DBNL: variants seen among roughly 807,000 people sequenced by gnomAD.
DBNL encodes drebrin like, also known as drebrin-like protein.
DBNL carries 35 observed loss-of-function variants against 62.2 expected under a neutral mutation model. The observed-to-expected ratio is 0.56, with a 90% CI of 0.43 to 0.75. DBNL has a LOEUF of 0.75. DBNL is among the 30% of genes least tolerant of loss of function. The pLI, the probability that DBNL is intolerant of heterozygous loss-of-function variation, is 0.00. For missense variants in DBNL, 495 were observed against 578.4 expected (o/e 0.86, Z 1.48); for synonymous variants, 197 against 218.0 (o/e 0.90, Z 0.85).
Position 44,059,251 on chromosome 7 carries a change from C to T in DBNL, c.836-103C>T. The stretch of plus-strand genomic sequence containing the variant: ...TGTTCCTGCACTAGCAAGAGCAAGC[C>T]CCATGAGACTGCCTCGAGCACACCA... On this transcript the variant is annotated intron_variant, in intron 9 of 12. Transcript: ENST00000448521. The surrounding 1 kb of genome is among the most constrained non-coding windows in gnomAD (Gnocchi z 4.1). The T allele has an allele frequency of 8.2e-7, 1 of 1,212,260 alleles. No individual in the cohort carries two copies. Among genetic ancestry groups the T allele is most frequent in the Non-Finnish European group, 1.2e-6 (1 of 854,348 alleles). The allele number at this position is 1,212,260 out of a possible 1,614,324, so 75.1% of individuals were successfully genotyped here.
rs1049701150 is a variant in DBNL at position 44,062,377 on chromosome 7, G to A, written c.*1461G>A. On this transcript the variant is annotated 3_prime_UTR_variant, in exon 13 of 13. Coordinates refer to ENST00000448521, the MANE Select transcript of DBNL (RefSeq NM_001014436.3). The stretch of plus-strand genomic sequence containing the variant: ...GACAGCAGAGGACCACCTGCCCTCT[G>A]CAGGAAGCTGTCCAGGAAGCCGTGT... 5 of 300,222 alleles carry A rather than the reference G, an allele frequency of 1.7e-5. No homozygotes were observed. The highest frequency in any genetic ancestry group is 2.4e-3 in the Middle Eastern group (2 of 830). The allele number at this position is 300,222 out of a possible 1,614,324, so 18.6% of individuals were successfully genotyped here.
Position 44,064,794 on chromosome 7 carries a change from C to T in DBNL, c.*3878C>T, listed in dbSNP as rs1324246092. 8 of 526,640 alleles carry T rather than the reference C, an allele frequency of 1.5e-5. No individual in the cohort carries two copies. Among genetic ancestry groups the T allele is most frequent in the Non-Finnish European group, 2.6e-5 (7 of 274,508 alleles). 32.6% of individuals were successfully genotyped at this position (526,640 alleles called of 1,614,324 possible). A position where few individuals can be genotyped will look rare whatever the true frequency, so the allele number is the denominator to read the frequency against. ...GATGAGAAGCCAGCTGGGGCTGCTG[C>T]CCACCCACCCTGCCCAGGCTCCTGA... On this transcript the variant is annotated 3_prime_UTR_variant, in exon 13 of 13. Transcript: ENST00000448521.
At position 44,068,987 on chromosome 7, in the gene DBNL, T is replaced by A. The variant is rs914146196; in HGVS notation, c.*8071T>A. On this transcript the variant is annotated 3_prime_UTR_variant, in exon 13 of 13. Coordinates refer to ENST00000448521, the MANE Select transcript of DBNL (RefSeq NM_001014436.3). ...AGAAACTATAGAGGCCAGAAAGAAG[T>A]GGAACATTTTTAGTTTTGAAATAAC... 6.6e-6 allele frequency: 1 copy of A among 152,274 alleles called. No individual in the cohort carries two copies. The allele number at this position is 152,274 out of a possible 1,614,324, so 9.4% of individuals were successfully genotyped here. A position where few individuals can be genotyped will look rare whatever the true frequency, so the allele number is the denominator to read the frequency against.
intron 5 of DBNL, among the ~76,000 whole-genome samples, chr7:44,057,203 G>A (rs2128793103): frequency 6.6e-6 from 1 of 152,360 alleles, no homozygotes; most frequent in African/African-American, 2.4e-5. Flanking sequence ...TCAAGGTCAT[G>A]GCACTGGAAC....
Position 44,060,278 on chromosome 7 carries a change from G to C in DBNL, c.1153+125G>C. The stretch of plus-strand genomic sequence containing the variant: ...GGAAGAGAAGACAGGAGGGTGGGCG[G>C]TGCGTTTAGGGGTAGAAGCACCTCT... On this transcript the variant is annotated intron_variant, in intron 12 of 12. Transcript: ENST00000448521. The surrounding 1 kb of genome is among the most constrained non-coding windows in gnomAD (Gnocchi z 6.3). The C allele has an allele frequency of 2.3e-6, 2 of 857,022 alleles. No homozygotes were observed. 53.1% of individuals were successfully genotyped at this position (857,022 alleles called of 1,614,324 possible).
intron 1 of DBNL, 112 bp downstream of exon 1, chr7:44,044,932 A>G (rs994436838): frequency 5.4e-6 from 6 of 1,113,904 alleles, no homozygotes; most frequent in Admixed American, 7.8e-5. Flanking sequence ...AGCGGTGCCC[A>G]GGCAGGTGGC....
At position 44,062,415 on chromosome 7, in the gene DBNL, T is replaced by A. The variant is rs1483867455; in HGVS notation, c.*1499T>A. The A allele has an allele frequency of 2.8e-6, 1 of 353,626 alleles. No homozygotes were observed. The highest frequency in any genetic ancestry group is 5.5e-6 in the Non-Finnish European group (1 of 181,980). The allele number at this position is 353,626 out of a possible 1,614,324, so 21.9% of individuals were successfully genotyped here. A position where few individuals can be genotyped will look rare whatever the true frequency, so the allele number is the denominator to read the frequency against. On this transcript the variant is annotated 3_prime_UTR_variant, in exon 13 of 13. Transcript: ENST00000448521. The stretch of plus-strand genomic sequence containing the variant: ...CAGGAAGCCGTGTCCTGGGCTGTGG[T>A]CCTTGCTCCCCATGGGGAGAGCTGG...
intron 8 of DBNL, 55 bp from the exon 9 acceptor site, chr7:44,058,847 G>C: frequency 6.2e-7 from 1 of 1,606,976 alleles, no homozygotes; most frequent in South Asian, 1.1e-5. Flanking sequence ...TGTGATCTGG[G>C]GAGAGGTGGT....
At position 44,064,795 on chromosome 7, in the gene DBNL, C is replaced by T. The variant is rs2096155983; in HGVS notation, c.*3879C>T. 3 of 937,692 alleles carry T rather than the reference C, an allele frequency of 3.2e-6. No homozygotes were observed. Among genetic ancestry groups the T allele is most frequent in the Non-Finnish European group, 5.0e-6 (3 of 602,176 alleles). The allele number at this position is 937,692 out of a possible 1,614,324, so 58.1% of individuals were successfully genotyped here. On this transcript the variant is annotated 3_prime_UTR_variant, in exon 13 of 13. Transcript: ENST00000448521. Reference sequence around the variant, plus strand: ...ATGAGAAGCCAGCTGGGGCTGCTGCCCACCCACCCTGCCCAGGCTCCTGAA... The same window carrying T: ...ATGAGAAGCCAGCTGGGGCTGCTGCTCACCCACCCTGCCCAGGCTCCTGAA...
At chr7:44,053,550 C>T (rs2096130243) in intron 4 of DBNL, among the ~76,000 whole-genome samples, 2 of 152,088 alleles carry the variant, frequency 1.3e-5, no homozygotes. Context: ...GAATTCCCAG[C>T]TTATCGATAT....
Position 44,052,902 on chromosome 7 carries a change from C to T in DBNL, c.288C>T (p.Ala96=), listed in dbSNP as rs2096129099. The T allele has an allele frequency of 1.9e-6, 3 of 1,613,676 alleles. No individual in the cohort carries two copies. The South Asian group carries it at 3.3e-5, about 18-fold the overall frequency. ...GEGVNDVRKG[A]CASHVSTMAS... ...GCGTGAACGATGTGCGGAAGGGAGC[C>T]TGTGCCAGCCACGTCAGCACCATGG... The change falls in exon 4 of 13, where the codon GCC becomes GCT. Residue 96 remains alanine (A), a synonymous_variant. Transcript: ENST00000448521.
chr7:44,045,209 C>T (rs775281592), intron 1 of DBNL, among the ~76,000 whole-genome samples: 12 of 152,230 alleles, frequency 7.9e-5, no homozygotes, highest in Non-Finnish European at 1.6e-4. Flanking sequence ...ACAGCCCTCT[C>T]TGAGAAGGCG....
chr7:44,051,512 C>T (rs892354110), intron 2 of DBNL: 3 of 214,580 alleles, frequency 1.4e-5, no homozygotes, highest in South Asian at 8.2e-5. Flanking sequence ...GCTGGTTTGC[C>T]GTGGAAATGA....
rs555634194 is a variant in DBNL at position 44,065,884 on chromosome 7, A to G, written c.*4968A>G. On this transcript the variant is annotated 3_prime_UTR_variant, in exon 13 of 13. Coordinates refer to ENST00000448521, the MANE Select transcript of DBNL (RefSeq NM_001014436.3). ...GGGGAGATGGGGATAGCAGGGACAG[A>G]GGGGCTCTCCAGGGCAACGCTCAGT... 340 of 420,136 alleles carry G rather than the reference A, an allele frequency of 8.1e-4. No homozygotes were observed. Among genetic ancestry groups the G allele is most frequent in the Non-Finnish European group, 1.3e-3 (284 of 223,200 alleles). The allele number at this position is 420,136 out of a possible 1,614,324, so 26.0% of individuals were successfully genotyped here. A position where few individuals can be genotyped will look rare whatever the true frequency, so the allele number is the denominator to read the frequency against.
rs1005548605 is a variant in DBNL at position 44,059,966 on chromosome 7, C to T, written c.1048-82C>T. On this transcript the variant is annotated intron_variant, in intron 11 of 12. Transcript: ENST00000448521. This position sits in a 1 kb window ranked among gnomAD's most constrained non-coding sequence, Gnocchi z 4.1. Reference sequence around the variant, plus strand: ...CTGCTTGCCCTCTGCGTACTCCCAGCTTGACCTGAGCCATGTGGGGCAGAG... The same window carrying T: ...CTGCTTGCCCTCTGCGTACTCCCAGTTTGACCTGAGCCATGTGGGGCAGAG... 7.0e-7 allele frequency: 1 copy of T among 1,418,976 alleles called. No homozygotes were observed. The highest frequency in any genetic ancestry group is 2.5e-5 in the East Asian group (1 of 40,420). The allele number at this position is 1,418,976 out of a possible 1,614,324, so 87.9% of individuals were successfully genotyped here.
Position 44,060,702 on chromosome 7 carries a change from CT to C in DBNL, c.1154-74del. 6.4e-7 allele frequency: 1 copy of C among 1,567,848 alleles called. No homozygotes were observed. The highest frequency in any genetic ancestry group is 1.2e-5 in the South Asian group (1 of 84,914). On this transcript the variant is annotated intron_variant, in intron 12 of 12. Transcript: ENST00000448521. The surrounding 1 kb of genome is among the most constrained non-coding windows in gnomAD (Gnocchi z 6.3). ...CGAGGTGTGCTGCAGCAGTGTGGGG[CT>C]GCCGTGGGCTGCCCGAGCAGGTGGG...
chr7:44,064,810 A>T lies in DBNL; in HGVS notation c.*3894A>T. 1 of 610,350 alleles carries T rather than the reference A, an allele frequency of 1.6e-6. No individual in the cohort carries two copies. Among genetic ancestry groups the T allele is most frequent in the Non-Finnish European group, 2.9e-6 (1 of 341,574 alleles). 37.8% of individuals were successfully genotyped at this position (610,350 alleles called of 1,614,324 possible). ...GGGCTGCTGCCCACCCACCCTGCCCAGGCTCCTGAAGGTGGCCTCACCTTC... is the reference window on the plus strand; with the variant it reads ...GGGCTGCTGCCCACCCACCCTGCCCTGGCTCCTGAAGGTGGCCTCACCTTC... On this transcript the variant is annotated 3_prime_UTR_variant, in exon 13 of 13. Coordinates refer to ENST00000448521, the MANE Select transcript of DBNL (RefSeq NM_001014436.3).
In DBNL at chr7:44,060,706, C is replaced by T. The variant is rs1199500343; in HGVS notation, c.1154-71C>T. The T allele has an allele frequency of 1.5e-5, 24 of 1,577,890 alleles. No homozygotes were observed. The highest frequency in any genetic ancestry group is 1.4e-4 in the Admixed American group (8 of 57,606). On this transcript the variant is annotated intron_variant, in intron 12 of 12. Transcript: ENST00000448521. The surrounding 1 kb of genome is among the most constrained non-coding windows in gnomAD (Gnocchi z 6.3). ...GTGTGCTGCAGCAGTGTGGGGCTGC[C>T]GTGGGCTGCCCGAGCAGGTGGGATG...
intron 1 of DBNL, among the ~76,000 whole-genome samples, chr7:44,045,936 T>C (rs4724276): frequency 0.11 from 16,116 of 152,260 alleles, 1,179 homozygotes; most frequent in Admixed American, 0.17. Flanking sequence ...ACAGCACATC[T>C]TCTGTTTTGG....
Sources: allele counts gnomAD v4.1 joint callset (sites outside exome capture counted in the v4.1 genomes callset), GRCh38; gene constraint gnomAD v4.1.1; non-coding constraint Gnocchi (gnomAD v3.1); transcripts MANE v1.5; gene names NCBI Gene and HGNC (gene_info 2026-07-23, HGNC 2026-07-21).